The following LRTM3 variants were observed in gnomAD, a reference collection of about 807,000 sequenced individuals.
LRTM3 encodes leucine rich repeat transmembrane protein 3, also known as leucine-rich repeat transmembrane protein 3.
At chr13:102,749,244 T>C in the LRTM3 span, 1 of 1,550,754 alleles carries the variant, frequency 6.4e-7, no homozygotes, top group Non-Finnish European at 8.7e-7. Flanking sequence ...CTGAGTTTGC[T>C]TTTACTGTCT....
chr13:102,750,660 A>C, the LRTM3 span, among the ~76,000 whole-genome samples: 1 of 152,172 alleles, frequency 6.6e-6, no homozygotes, highest in Non-Finnish European at 1.5e-5. Flanking sequence ...GATTGGGTCA[A>C]AGTTGCTGGA....
chr13:102,744,381 C>T, the LRTM3 span: 23 of 1,549,952 alleles, frequency 1.5e-5, no homozygotes, highest in Non-Finnish European at 1.8e-5. Flanking sequence ...ATAGAACTAT[C>T]CCATTTCCTT....
the LRTM3 span, chr13:102,742,688 T>C: frequency 3.9e-6 from 6 of 1,550,746 alleles, no homozygotes; most frequent in African/African-American, 1.4e-5. Context: ...AACTGCTGAT[T>C]GCTTTGCCTG....
the LRTM3 span, chr13:102,740,809 C>T: frequency 1.1e-5 from 17 of 1,549,334 alleles, no homozygotes; most frequent in African/African-American, 2.7e-5. Flanking sequence ...AAGTGAGGTA[C>T]CCTAAACTAT....
At chr13:102,738,906 T>C in the LRTM3 span, 7 of 1,550,642 alleles carry the variant, frequency 4.5e-6, no homozygotes, top group Middle Eastern at 1.7e-4. Flanking sequence ...TTGGAATGCA[T>C]GATTTTTTCC....
At chr13:102,756,904 T>G in the LRTM3 span, among the ~76,000 whole-genome samples, 1 of 152,110 alleles carries the variant, frequency 6.6e-6, no homozygotes, top group East Asian at 1.9e-4. Flanking sequence ...TTAACTTCTG[T>G]CTAGGCAGGA....
chr13:102,756,781 G>A, the LRTM3 span, among the ~76,000 whole-genome samples: 1 of 148,062 alleles, frequency 6.8e-6, no homozygotes, highest in East Asian at 2.0e-4. Context: ...ATAATATGCT[G>A]CTGCCACAGG....
the LRTM3 span, chr13:102,743,124 G>A: frequency 1.3e-6 from 2 of 1,550,416 alleles, no homozygotes; most frequent in Non-Finnish European, 1.7e-6. Flanking sequence ...GCATAGAATG[G>A]ATCCATTTCT....
chr13:102,746,239 C>T, the LRTM3 span: 11 of 1,550,558 alleles, frequency 7.1e-6, no homozygotes, highest in South Asian at 2.4e-5. Context: ...TCATTTGACC[C>T]GCCTCAGACC....
At chr13:102,744,193 C>A in the LRTM3 span, 1 of 1,550,532 alleles carries the variant, frequency 6.4e-7, no homozygotes, top group Non-Finnish European at 8.7e-7. Context: ...TATTAAACAA[C>A]TGCAAAATTC....
the LRTM3 span, chr13:102,745,903 A>C: frequency 6.4e-7 from 1 of 1,551,158 alleles, no homozygotes; most frequent in Non-Finnish European, 8.7e-7. Flanking sequence ...GTTGTACCTG[A>C]ATATTTGTAC....
At chr13:102,746,517 T>G in the LRTM3 span, 1 of 1,551,114 alleles carries the variant, frequency 6.4e-7, no homozygotes, top group African/African-American at 1.4e-5. Context: ...AACTTAGTCT[T>G]AAAGTCTAAT....
chr13:102,733,034 A>T, the LRTM3 span: 6 of 1,551,184 alleles, frequency 3.9e-6, no homozygotes, highest in Non-Finnish European at 5.2e-6. Context: ...TGTCATATCC[A>T]TGTGTATTCC....
chr13:102,756,673 TAA>T, the LRTM3 span, among the ~76,000 whole-genome samples: 5 of 67,020 alleles, frequency 7.5e-5, no homozygotes, highest in African/African-American at 2.7e-4. Context: ...AAACTCTGTC[TAA>T]AAAAAAAAAA....
chr13:102,736,622 C>A, the LRTM3 span: 1 of 1,550,982 alleles, frequency 6.4e-7, no homozygotes, highest in Non-Finnish European at 8.7e-7. Context: ...ACAAGTTTTG[C>A]TCAGAAGTAC....
At chr13:102,732,347 G>A in the LRTM3 span, 1 of 1,551,318 alleles carries the variant, frequency 6.4e-7, no homozygotes, top group Non-Finnish European at 8.7e-7. Context: ...TCTATTGCTT[G>A]GTGTACCACG....
the LRTM3 span, chr13:102,735,577 T>G: frequency 5.2e-6 from 8 of 1,551,112 alleles, no homozygotes; most frequent in Admixed American, 1.6e-4. Context: ...TGAGTATATC[T>G]GAGAGTAGTA....
the LRTM3 span, chr13:102,737,851 C>T: frequency 6.4e-7 from 1 of 1,550,612 alleles, no homozygotes; most frequent in East Asian, 2.5e-5. Flanking sequence ...TTCTTGTGTC[C>T]AATATATAAT....
chr13:102,742,490 T>C, the LRTM3 span: 2 of 1,550,050 alleles, frequency 1.3e-6, no homozygotes, highest in East Asian at 2.4e-5. Flanking sequence ...TTCTTTCTTG[T>C]TTTCAATTTG....
Sources: allele counts gnomAD v4.1 joint callset (sites outside exome capture counted in the v4.1 genomes callset), GRCh38; gene constraint gnomAD v4.1.1; transcripts MANE v1.5; gene names NCBI Gene and HGNC (gene_info 2026-07-23, HGNC 2026-07-21).